Variants in ACTN4 observed in about 807,000 individuals in gnomAD.
ACTN4 encodes actinin alpha 4.
In ACTN4, 18 loss-of-function variants were observed where a neutral mutation model predicts 114.2. The ratio of observed to expected loss-of-function variants is 0.16; its 90% CI spans 0.11 to 0.23. The LOEUF is 0.23. Ranked by LOEUF, ACTN4 falls within the 10% of genes least tolerant of loss-of-function variation. The pLI is 1.00. For synonymous variants in ACTN4, 515 were observed against 506.3 expected (o/e 1.02, Z -0.23); for missense variants, 722 against 1,262.9 (o/e 0.57, Z 6.49).
At chr19:38,702,501 T>C (rs1968312586) in intron 3 of ACTN4, among the ~76,000 whole-genome samples, 1 of 152,202 alleles carries the variant, frequency 6.6e-6, no homozygotes, top group Non-Finnish European at 1.5e-5. Flanking sequence ...CCTCCTCTCC[T>C]CACCGGAACT....
In ACTN4 at chr19:38,647,701, T is replaced by G; in HGVS notation, c.-45T>G. On this transcript the variant is annotated 5_prime_UTR_variant, in exon 1 of 21. Transcript: ENST00000252699. ...GCGGCTCGGGCAGAGGGGCGGGAGC[T>G]GAGGCGGGAGCGGACAGGCTGGTGG... 23 of 1,518,212 alleles carry G rather than the reference T, an allele frequency of 1.5e-5. No individual in the cohort carries two copies. Among genetic ancestry groups the G allele is most frequent in the Non-Finnish European group, 2.0e-5 (23 of 1,133,916 alleles). The allele number at this position is 1,518,212 out of a possible 1,614,324, so 94.0% of individuals were successfully genotyped here. A position where few individuals can be genotyped will look rare whatever the true frequency, so the allele number is the denominator to read the frequency against.
rs376869655 is a variant in ACTN4 at position 38,729,125 on chromosome 19, G to A, written c.2548G>A (p.Ala850Thr). The stretch of plus-strand genomic sequence containing the variant: ...CACGGACACGGCTGACCAGGTCATC[G>A]CTTCCTTCAAGGTCTTAGCAGGGGA... ...TDTDTADQVIASFKVLAGDKN... is the reference protein window; with the variant it reads ...TDTDTADQVITSFKVLAGDKN... Residue 850 changes from alanine (A) to threonine (T), a missense_variant, in exon 20 of 21, where the codon GCT becomes ACT. By Grantham distance (58) the Ala-to-Thr change is moderately conservative. This residue lies in a region of ACTN4 where 523 missense variants were observed against 875.9 expected (regional missense o/e 0.60). Transcript: ENST00000252699. 1.1e-5 allele frequency: 17 copies of A among 1,613,078 alleles called. No individual in the cohort carries two copies. The highest frequency in any genetic ancestry group is 1.1e-5 in the Non-Finnish European group (13 of 1,179,984).
rs1568689757 is a variant in ACTN4, at chr19:38,673,536, C to CATATATATTTATATATATTCATATATAT, written c.162+25629_162+25630insATATATATTTATATATATTCATATATAT. On this transcript the variant is annotated intron_variant, in intron 1 of 20. Coordinates refer to ENST00000252699, the MANE Select transcript of ACTN4 (RefSeq NM_004924.6). The stretch of plus-strand genomic sequence containing the variant: ...ATATATTTATATATATTCATATATA[C>CATATATATTTATATATATTCATATATAT]TTATATATATTTATATATACTTATA... Among the ~76,000 whole-genome samples the CATATATATTTATATATATTCATATATAT allele has an allele frequency of 5.4e-4, 37 of 67,950 alleles. 1 individual carries two copies. Among genetic ancestry groups the CATATATATTTATATATATTCATATATAT allele is most frequent in the African/African-American group, 2.7e-3 (37 of 13,568 alleles). 44.6% of individuals were successfully genotyped at this position (67,950 alleles called of 152,430 possible).
chr19:38,725,963 A>T (rs1969219894), intron 17 of ACTN4, 60 bp downstream of exon 17: 2 of 1,594,918 alleles, frequency 1.3e-6, no homozygotes, highest in Middle Eastern at 2.1e-4. Flanking sequence ...CTCACTGGAA[A>T]TGGTTCGGGC....
chr19:38,701,396 G>T, intron 3 of ACTN4, among the ~76,000 whole-genome samples: 1 of 152,218 alleles, frequency 6.6e-6, no homozygotes, highest in East Asian at 1.9e-4. Flanking sequence ...TCTGCAGGGG[G>T]AGGAATGGTT....
chr19:38,673,456 C>CATATATATTCATATATATTT (rs1967200664), intron 1 of ACTN4, among the ~76,000 whole-genome samples: 1 of 71,746 alleles, frequency 1.4e-5, no homozygotes. Context: ...TATATATATT[C>CATATATATTCATATATATTT]ATATATATTT....
At chr19:38,719,872 T>C (rs963758762) in intron 11 of ACTN4, among the ~76,000 whole-genome samples, 4 of 152,188 alleles carry the variant, frequency 2.6e-5, no homozygotes, top group Non-Finnish European at 5.9e-5. Context: ...TGGGAAGGGC[T>C]CTGGGGCAGC....
chr19:38,713,588 C>T (rs553441428), intron 8 of ACTN4, among the ~76,000 whole-genome samples: 255 of 152,248 alleles, frequency 1.7e-3, no homozygotes, highest in African/African-American at 5.1e-3. Context: ...CACCGGCTGC[C>T]GCCTCCCCGC....
At chr19:38,668,701 A>G (rs879081477) in intron 1 of ACTN4, among the ~76,000 whole-genome samples, 1 of 151,834 alleles carries the variant, frequency 6.6e-6, no homozygotes, top group Admixed American at 6.6e-5. Context: ...AGAAAAAAGA[A>G]AAAAAGAAAA....
At chr19:38,718,201 T>G in intron 11 of ACTN4, 127 bp downstream of exon 11, 3 of 1,475,192 alleles carry the variant, frequency 2.0e-6, no homozygotes, top group Non-Finnish European at 2.8e-6. Flanking sequence ...GTGCCCTTTC[T>G]TGCTGCTTGG....
chr19:38,728,297 G>C, intron 19 of ACTN4: 1 of 1,527,934 alleles, frequency 6.5e-7, no homozygotes, highest in South Asian at 1.2e-5. Context: ...CCTCTGCTAT[G>C]CCTGCGTCCT....
chr19:38,707,743 A>G (rs1381612688), intron 5 of ACTN4, among the ~76,000 whole-genome samples: 1 of 152,216 alleles, frequency 6.6e-6, no homozygotes, highest in African/African-American at 2.4e-5. Flanking sequence ...GCGGCCTCCC[A>G]TGGAAGGTGC....
chr19:38,715,353 C>T (rs1427670392), intron 9 of ACTN4, among the ~76,000 whole-genome samples: 1 of 152,012 alleles, frequency 6.6e-6, no homozygotes, highest in Non-Finnish European at 1.5e-5. Flanking sequence ...AAAAATTAGC[C>T]GGGTGTTGTG....
chr19:38,673,567 T>TA (rs1568689910), intron 1 of ACTN4, among the ~76,000 whole-genome samples: 1 of 94,086 alleles, frequency 1.1e-5, no homozygotes, highest in Non-Finnish European at 2.0e-5. Context: ...TTATATATAT[T>TA]TATATATATT....
chr19:38,684,607 A>G (rs924442679), intron 1 of ACTN4, among the ~76,000 whole-genome samples: 1 of 152,238 alleles, frequency 6.6e-6, no homozygotes, highest in Admixed American at 6.5e-5. Context: ...GGGGCGAGCC[A>G]GGGTGAGAGT....
chr19:38,713,387 A>C (rs1283436697), intron 8 of ACTN4, among the ~76,000 whole-genome samples: 1 of 152,116 alleles, frequency 6.6e-6, no homozygotes, highest in African/African-American at 2.4e-5. Flanking sequence ...CCAAGTTAGG[A>C]GTCAGGGACT....
At chr19:38,678,051 A>G (rs945553134) in intron 1 of ACTN4, among the ~76,000 whole-genome samples, 1 of 152,190 alleles carries the variant, frequency 6.6e-6, no homozygotes, top group Non-Finnish European at 1.5e-5. Context: ...GCAAGTAGGC[A>G]GAAGAGGGAG....
chr19:38,724,569 A>G lies in ACTN4; in HGVS notation c.2010+4A>G. On this transcript the variant is annotated splice_donor_region_variant and intron_variant, in intron 16 of 20. Transcript: ENST00000252699. This position sits in a 1 kb window ranked among gnomAD's most constrained non-coding sequence, Gnocchi z 7.0. The stretch of plus-strand genomic sequence containing the variant: ...CTGGATCCAGACCAAGATGGAGGTG[A>G]GGCACGGCTGAGCCCCACAGAGCTG... The G allele has an allele frequency of 6.8e-6, 11 of 1,613,448 alleles. No individual in the cohort carries two copies. Among genetic ancestry groups the G allele is most frequent in the Non-Finnish European group, 9.3e-6 (11 of 1,179,936 alleles).
intron 17 of ACTN4, among the ~76,000 whole-genome samples, chr19:38,726,352 A>C (rs1387630621): frequency 6.6e-6 from 1 of 151,880 alleles, no homozygotes; most frequent in East Asian, 1.9e-4. Flanking sequence ...TAAAAATTAC[A>C]CTTTCCCTAG....
Sources: gnomAD v4.1 joint callset for allele counts (sites outside exome capture counted in the v4.1 genomes callset) on GRCh38, gnomAD v4.1.1 for gene constraint, gnomAD v4.1.1 regional missense constraint, Gnocchi (gnomAD v3.1) non-coding constraint, MANE v1.5 for transcripts, NCBI Gene and HGNC (gene_info 2026-07-23, HGNC 2026-07-21) for gene names.